Variants in RAI14 observed in about 807,000 individuals in gnomAD.
The protein encoded by RAI14 is retinoic acid induced 14, also known as ankycorbin.
A neutral mutation model predicts 115.4 loss-of-function variants in RAI14; 45 were observed. The observed-to-expected ratio is 0.39, with a 90% confidence interval of 0.31 to 0.50. The LOEUF is 0.50. Ranked by LOEUF, RAI14 falls within the 20% of genes least tolerant of loss-of-function variation. The probability of loss-of-function intolerance (pLI) is 0.85; values close to 1 mark genes in which losing one functional copy is unlikely to be tolerated. For missense variants in RAI14, 939 were observed against 1,131.2 expected, an observed-to-expected ratio of 0.83 and a Z score of 2.44; for synonymous variants, 371 against 415.4, an observed-to-expected ratio of 0.89 and a Z score of 1.30.
intron 4 of RAI14, among the ~76,000 whole-genome samples, chr5:34,800,668 TG>T (rs1490245164): frequency 6.6e-6 from 1 of 152,176 alleles, no homozygotes; most frequent in African/African-American, 2.4e-5. Flanking sequence ...ATCACAGGGC[TG>T]GGGAATAAAA....
At position 34,764,475 on chromosome 5, in the gene RAI14, A is replaced by G. The variant is rs577238743; in HGVS notation, c.167+6877A>G. Among the ~76,000 whole-genome samples the G allele has an allele frequency of 2.0e-5, 3 of 152,168 alleles. No individual in the cohort carries two copies. In the South Asian group the frequency reaches 6.2e-4, roughly 32 times the overall value. ...ATTTCCTAGCCCAGAGCGTTCCAACAGGTGCTACATCGTGATACATTATAG... is the reference window on the plus strand; with the variant it reads ...ATTTCCTAGCCCAGAGCGTTCCAACGGGTGCTACATCGTGATACATTATAG... On this transcript the variant is annotated intron_variant, in intron 3 of 17. Coordinates refer to ENST00000265109, the MANE Select transcript of RAI14 (RefSeq NM_015577.3).
chr5:34,776,010 A>C (rs1750788935), intron 3 of RAI14, among the ~76,000 whole-genome samples: 1 of 152,182 alleles, frequency 6.6e-6, no homozygotes, highest in South Asian at 2.1e-4. Flanking sequence ...CATTATTTGG[A>C]AGCAACCTAA....
intron 2 of RAI14, chr5:34,728,497 G>A (rs1743762671): frequency 6.6e-6 from 1 of 152,154 alleles, no homozygotes; most frequent in South Asian, 2.1e-4. Flanking sequence ...GGTTTTTCCT[G>A]TGCTGTTCTC....
At chr5:34,723,099 C>CACA (rs1742992697) in intron 2 of RAI14, among the ~76,000 whole-genome samples, 1 of 85,662 alleles carries the variant, frequency 1.2e-5, no homozygotes, top group Non-Finnish European at 2.4e-5. Flanking sequence ...GACCCTGTCT[C>CACA]AAAAAAAAAA....
Position 34,791,866 on chromosome 5 carries a change from C to T in RAI14, c.168-4073C>T, listed in dbSNP as rs747345322. Among the ~76,000 whole-genome samples, 19 of 152,130 alleles carry T rather than the reference C, an allele frequency of 1.2e-4. No homozygotes were observed. The highest frequency in any genetic ancestry group is 2.6e-4 in the Non-Finnish European group (18 of 68,036). ...CTTCACAGAGGAAGACAGCCACTGC[C>T]GAGGTATGGCTAGGGAAGGAGGGGA... On this transcript the variant is annotated intron_variant, in intron 3 of 17. Coordinates refer to ENST00000265109, the MANE Select transcript of RAI14 (RefSeq NM_015577.3). The surrounding 1 kb of genome is among the most constrained non-coding windows in gnomAD (Gnocchi z 5.4).
intron 1 of RAI14, among the ~76,000 whole-genome samples, chr5:34,676,258 G>C (rs1160071098): frequency 6.6e-6 from 1 of 152,182 alleles, no homozygotes; most frequent in Non-Finnish European, 1.5e-5. Context: ...ACGGTCACTT[G>C]GGGTCAGTTG....
At chr5:34,711,139 C>T (rs910086086) in intron 2 of RAI14, among the ~76,000 whole-genome samples, 3 of 152,084 alleles carry the variant, frequency 2.0e-5, no homozygotes, top group Admixed American at 1.3e-4. Context: ...CATGCGCGTC[C>T]GTGTGAAGAG....
intron 2 of RAI14, among the ~76,000 whole-genome samples, chr5:34,719,075 C>A (rs932615974): frequency 2.6e-5 from 4 of 152,218 alleles, no homozygotes; most frequent in African/African-American, 9.6e-5. Context: ...CTCACCAATT[C>A]TCTGGACAGG....
intron 1 of RAI14, among the ~76,000 whole-genome samples, chr5:34,670,309 TA>T (rs1743528211): frequency 1.3e-5 from 2 of 152,214 alleles, no homozygotes; most frequent in South Asian, 2.1e-4. Context: ...AACCTTAGTT[TA>T]ATCTAGCCTC....
At chr5:34,752,703 A>ATGTGTGTGTGTGTGTG (rs71600953) in intron 2 of RAI14, among the ~76,000 whole-genome samples, 80 of 83,014 alleles carry the variant, frequency 9.6e-4, no homozygotes, top group Non-Finnish European at 1.6e-3. Flanking sequence ...TCTTACATAT[A>ATGTGTGTGTGTGTGTG]TGTGTGTGTG....
At chr5:34,814,499 A>T in intron 11 of RAI14, 84 bp from the exon 12 acceptor site, 2 of 992,046 alleles carry the variant, frequency 2.0e-6, no homozygotes, top group South Asian at 1.4e-5. Flanking sequence ...TGCATTGGTT[A>T]AACAGGTTGA....
chr5:34,764,846 T>C (rs1749141209), intron 3 of RAI14, among the ~76,000 whole-genome samples: 1 of 152,148 alleles, frequency 6.6e-6, no homozygotes, highest in African/African-American at 2.4e-5. Flanking sequence ...AAAATATTGG[T>C]GATATGGTTT....
intron 5 of RAI14, among the ~76,000 whole-genome samples, chr5:34,807,314 G>A (rs891111085): frequency 3.9e-5 from 6 of 152,132 alleles, no homozygotes; most frequent in African/African-American, 7.2e-5. Flanking sequence ...AATGTTTATC[G>A]TCATTGGAAA....
intron 2 of RAI14, among the ~76,000 whole-genome samples, chr5:34,748,970 A>G (rs1746659229): frequency 6.6e-6 from 1 of 152,198 alleles, no homozygotes; most frequent in Non-Finnish European, 1.5e-5. Flanking sequence ...GTAGATACAT[A>G]TCCGTAAGTA....
chr5:34,779,284 C>T (rs1751298088), intron 3 of RAI14, among the ~76,000 whole-genome samples: 1 of 152,236 alleles, frequency 6.6e-6, no homozygotes. Context: ...TGGGCAAAAA[C>T]TGGAAGCATT....
intron 2 of RAI14, among the ~76,000 whole-genome samples, chr5:34,701,215 C>A (rs1740018850): frequency 2.0e-5 from 3 of 152,178 alleles, no homozygotes; most frequent in African/African-American, 7.2e-5. Flanking sequence ...ATTTTCCAAC[C>A]TGACTCTGGC....
intron 2 of RAI14, among the ~76,000 whole-genome samples, chr5:34,751,331 G>A (rs1207391212): frequency 6.8e-6 from 1 of 147,868 alleles, no homozygotes; most frequent in Non-Finnish European, 1.5e-5. Flanking sequence ...TAGTAGAGAC[G>A]GGGGTTTCAC....
intron 2 of RAI14, chr5:34,687,605 A>G: frequency 6.6e-7 from 1 of 1,518,776 alleles, no homozygotes; most frequent in Non-Finnish European, 8.8e-7. Flanking sequence ...TATTTTTTTA[A>G]AAGGTCACCC....
chr5:34,671,951 T>C (rs1393265424), intron 1 of RAI14, among the ~76,000 whole-genome samples: 2 of 152,164 alleles, frequency 1.3e-5, no homozygotes, highest in African/African-American at 4.8e-5. Context: ...CCACCTGACA[T>C]CTAGAATGTC....
Sources: gnomAD v4.1 joint callset for allele counts (sites outside exome capture counted in the v4.1 genomes callset) on GRCh38, gnomAD v4.1.1 for gene constraint, Gnocchi (gnomAD v3.1) non-coding constraint, MANE v1.5 for transcripts, NCBI Gene and HGNC (gene_info 2026-07-23, HGNC 2026-07-21) for gene names.